Variants in ATP2B2 observed in about 807,000 individuals in gnomAD.
The protein encoded by ATP2B2 is ATPase plasma membrane Ca2+ transporting 2.
Under a neutral mutation model 120.0 loss-of-function variants are expected in ATP2B2, and 15 were observed. The ratio of observed to expected loss-of-function variants is 0.12; its 90% confidence interval spans 0.08 to 0.19. The LOEUF is 0.19. Among genes scored for constraint, ATP2B2 ranks in the 10% least tolerant of loss-of-function variants. The pLI is 1.00. For missense variants in ATP2B2, 1,045 were observed against 1,719.8 expected (o/e 0.61, Z 6.94); for synonymous variants, 694 against 700.3 (o/e 0.99, Z 0.14).
chr3:10,599,791 G>A (rs933641880), intron 2 of ATP2B2, among the ~76,000 whole-genome samples: 1 of 120,996 alleles, frequency 8.3e-6, no homozygotes, highest in Middle Eastern at 5.9e-3. Context: ...AATGGAGCTC[G>A]TGTTCTATAA....
intron 2 of ATP2B2, among the ~76,000 whole-genome samples, chr3:10,547,802 G>A (rs1434940658): frequency 6.6e-6 from 1 of 152,190 alleles, no homozygotes; most frequent in Non-Finnish European, 1.5e-5. Context: ...ATCATCTTAT[G>A]CCAAAGTGGA....
chr3:10,549,492 A>G (rs1460486758), intron 2 of ATP2B2, among the ~76,000 whole-genome samples: 1 of 152,166 alleles, frequency 6.6e-6, no homozygotes, highest in Non-Finnish European at 1.5e-5. Context: ...AATGTGTGTT[A>G]TCTGTAAGAT....
chr3:10,395,131 G>A (rs1181386531), intron 5 of ATP2B2, among the ~76,000 whole-genome samples: 10 of 152,224 alleles, frequency 6.6e-5, no homozygotes, highest in Admixed American at 3.3e-4. Flanking sequence ...GCAAGATGAG[G>A]AGTCTGGGCA....
At chr3:10,576,782 G>C (rs111481023) in intron 2 of ATP2B2, among the ~76,000 whole-genome samples, 3,954 of 152,068 alleles carry the variant, frequency 0.026, 73 homozygotes, top group South Asian at 0.054. Flanking sequence ...TAAGAAGCTG[G>C]GGCCGGGCGC....
intron 2 of ATP2B2, among the ~76,000 whole-genome samples, chr3:10,550,179 A>T (rs936019285): frequency 6.6e-6 from 1 of 152,190 alleles, no homozygotes; most frequent in African/African-American, 2.4e-5. Context: ...AAAGCAAGTG[A>T]AGATCTGAGA....
Position 10,596,170 on chromosome 3 carries a change from G to C in ATP2B2, c.-415+23747C>G, listed in dbSNP as rs375475413. On this transcript the variant is annotated intron_variant, in intron 2 of 21. Transcript: ENST00000646379. ...TCCTTCCCAGCACAGACGCCTGCCA[G>C]CACCTTAAAGACCCATTTAAAGCAG... Among the ~76,000 whole-genome samples, 8 of 152,212 alleles carry C rather than the reference G, an allele frequency of 5.3e-5. No homozygotes were observed. The South Asian group carries it at 1.7e-3, about 32-fold the overall frequency.
At chr3:10,543,740 ATTTTT>A (rs144604142) in intron 2 of ATP2B2, among the ~76,000 whole-genome samples, 1 of 141,562 alleles carries the variant, frequency 7.1e-6, no homozygotes, top group Admixed American at 7.1e-5. Flanking sequence ...GTTCTTCATA[ATTTTT>A]TTTTTTTTTT....
At chr3:10,574,654 T>TA (rs1374153508) in intron 2 of ATP2B2, among the ~76,000 whole-genome samples, 1 of 152,212 alleles carries the variant, frequency 6.6e-6, no homozygotes, top group East Asian at 1.9e-4. Flanking sequence ...AAGTCACTTG[T>TA]AAAACATGGA....
chr3:10,578,869 C>T (rs1232112403), intron 2 of ATP2B2, among the ~76,000 whole-genome samples: 1 of 152,180 alleles, frequency 6.6e-6, no homozygotes, highest in African/African-American at 2.4e-5. Flanking sequence ...AACTAATCTA[C>T]CGTGGTAATG....
chr3:10,326,868 C>T lies in ATP2B2; in HGVS notation c.*1946G>A. The T allele has an allele frequency of 2.5e-6, 1 of 398,956 alleles. No individual in the cohort carries two copies. Among genetic ancestry groups the T allele is most frequent in the Non-Finnish European group, 4.4e-6 (1 of 226,038 alleles). The allele number at this position is 398,956 out of a possible 1,614,324, so 24.7% of individuals were successfully genotyped here. Reference sequence around the variant, plus strand: ...TGACTATGGCTCTTTTCCCGAGTGGCTCTCATCTTGTTTGTGGAAGAGTTC... The same window carrying T: ...TGACTATGGCTCTTTTCCCGAGTGGTTCTCATCTTGTTTGTGGAAGAGTTC... On this transcript the variant is annotated 3_prime_UTR_variant, in exon 23 of 23. Coordinates refer to ENST00000360273, the MANE Select transcript of ATP2B2 (RefSeq NM_001001331.4).
rs570753596 is a variant in ATP2B2, at chr3:10,565,832, C to T, written c.-414-31699G>A. 1.3e-3 allele frequency among the ~76,000 whole-genome samples: 204 copies of T among 152,256 alleles called. 1 individual carries two copies. Among genetic ancestry groups the T allele is most frequent in the African/African-American group, 4.7e-3 (195 of 41,534 alleles). ...ACTCTGGAGTTAGAGTGGCTGAGTCCCAGTCCTTCTTACTAGCTGTGTGGC... is the reference window on the plus strand; with the variant it reads ...ACTCTGGAGTTAGAGTGGCTGAGTCTCAGTCCTTCTTACTAGCTGTGTGGC... On this transcript the variant is annotated intron_variant, in intron 2 of 21. Transcript: ENST00000646379.
intron 1 of ATP2B2, among the ~76,000 whole-genome samples, chr3:10,477,018 G>T (rs1222791321): frequency 6.6e-6 from 1 of 152,234 alleles, no homozygotes; most frequent in Non-Finnish European, 1.5e-5. Context: ...TAGGTCATAA[G>T]AAGGTGACCT....
intron 14 of ATP2B2, 126 bp from the exon 15 acceptor site, chr3:10,350,703 A>G (rs2060555723): frequency 2.0e-6 from 2 of 1,019,600 alleles, no homozygotes; most frequent in Non-Finnish European, 2.9e-6. Context: ...TGACTATGAG[A>G]TGCTGATGAC....
chr3:10,648,777 C>T (rs1396726051), intron 1 of ATP2B2, among the ~76,000 whole-genome samples: 1 of 152,186 alleles, frequency 6.6e-6, no homozygotes, highest in African/African-American at 2.4e-5. Context: ...CAAATCCTAC[C>T]AGTTTTCCAT....
At position 10,547,933 on chromosome 3, in the gene ATP2B2, C is replaced by T. The variant is rs150819332; in HGVS notation, c.-414-13800G>A. On this transcript the variant is annotated intron_variant, in intron 2 of 21. Coordinates refer to the ATP2B2 transcript ENST00000646379. ...TTCCCAACACCCTCCACATGTGTGA[C>T]ACCCCTTTCCATGGCATTTGGGAGG... 1.8e-3 allele frequency among the ~76,000 whole-genome samples: 270 copies of T among 152,358 alleles called. 9 individuals are homozygous for T. Among genetic ancestry groups the T allele is most frequent in the Admixed American group, 0.016 (251 of 15,310 alleles).
At position 10,707,820 on chromosome 3, in the gene ATP2B2, A is replaced by T. The variant is rs546979371; in HGVS notation, c.-460+95T>A. On this transcript the variant is annotated intron_variant, in intron 1 of 21. Transcript: ENST00000646379. The stretch of plus-strand genomic sequence containing the variant: ...GGCCCGGCGGGGGTCTCCGGGGCCG[A>T]GCGCCCGCGGAAGGGAAGCCAGCAG... The T allele has an allele frequency of 1.9e-4, 29 of 151,858 alleles. No individual in the cohort carries two copies. In the South Asian group the frequency reaches 5.3e-3, roughly 28 times the overall value. 9.4% of individuals were successfully genotyped at this position (151,858 alleles called of 1,614,324 possible). A position where few individuals can be genotyped will look rare whatever the true frequency, so the allele number is the denominator to read the frequency against.
chr3:10,538,297 A>G (rs2067361549), intron 2 of ATP2B2, among the ~76,000 whole-genome samples: 1 of 152,230 alleles, frequency 6.6e-6, no homozygotes. Flanking sequence ...TACCAGAGGT[A>G]CAAAGAGGAG....
At chr3:10,498,251 C>T (rs185016799) in intron 1 of ATP2B2, among the ~76,000 whole-genome samples, 31 of 152,318 alleles carry the variant, frequency 2.0e-4, no homozygotes, top group African/African-American at 2.9e-4. Context: ...AGCTGGTCAG[C>T]GGCCAGGCAT....
At chr3:10,554,150 G>T (rs1005446966) in intron 2 of ATP2B2, among the ~76,000 whole-genome samples, 7 of 152,114 alleles carry the variant, frequency 4.6e-5, no homozygotes, top group Non-Finnish European at 7.4e-5. Context: ...TATGGCGCTT[G>T]ACCCTTTGTA....
Sources: allele counts gnomAD v4.1 joint callset (sites outside exome capture counted in the v4.1 genomes callset), GRCh38; gene constraint gnomAD v4.1.1; transcripts MANE v1.5; gene names NCBI Gene and HGNC (gene_info 2026-07-23, HGNC 2026-07-21).